JPH3: variants seen among roughly 807,000 people sequenced by gnomAD.
JPH3 encodes junctophilin-3.
Under a neutral mutation model 59.6 loss-of-function variants are expected in JPH3, and 11 were observed. That is an observed-to-expected ratio of 0.18 (90% CI 0.12 to 0.31). The LOEUF (loss-of-function observed/expected upper bound fraction) is 0.31, where lower values mean the gene tolerates loss of function less well. Ranked by LOEUF, JPH3 falls within the 10% of genes least tolerant of loss-of-function variation. The pLI is 1.00. For missense variants in JPH3, 1,202 were observed against 1,105.7 expected (o/e 1.09, Z -1.24); for synonymous variants, 673 against 483.6 (o/e 1.39, Z -5.14).
intron 1 of JPH3, among the ~76,000 whole-genome samples, chr16:87,633,114 A>G (rs1354843814): frequency 6.6e-6 from 1 of 152,144 alleles, no homozygotes. Context: ...CCATCACAAA[A>G]TACCACAGAC....
chr16:87,664,349 T>G (rs922647213), intron 2 of JPH3, among the ~76,000 whole-genome samples: 11 of 141,888 alleles, frequency 7.8e-5, no homozygotes, highest in African/African-American at 3.0e-4. Flanking sequence ...AAAAAAATCA[T>G]ATGGCCCGTC....
chr16:87,675,729 C>T (rs955896948), intron 2 of JPH3, among the ~76,000 whole-genome samples: 6 of 152,200 alleles, frequency 3.9e-5, no homozygotes, highest in Admixed American at 1.3e-4. Context: ...AAGGTGGTCC[C>T]AGCTGCAGCA....
At chr16:87,665,668 G>A (rs2032838270) in intron 2 of JPH3, among the ~76,000 whole-genome samples, 1 of 152,202 alleles carries the variant, frequency 6.6e-6, no homozygotes, top group East Asian at 1.9e-4. Flanking sequence ...GTGGGAGCAG[G>A]CCTAGGAGAG....
chr16:87,673,174 C>T (rs2033061282), intron 2 of JPH3, among the ~76,000 whole-genome samples: 1 of 150,714 alleles, frequency 6.6e-6, no homozygotes, highest in Non-Finnish European at 1.5e-5. Context: ...AAATGTAAAA[C>T]ATAATAAAAG....
intron 1 of JPH3, among the ~76,000 whole-genome samples, chr16:87,614,932 C>T (rs1345569833): frequency 5.4e-5 from 3 of 55,910 alleles, no homozygotes; most frequent in East Asian, 5.6e-4. Context: ...CGAGGAGCCG[C>T]GCGTCCCCTC....
chr16:87,634,321 G>T (rs1479334578), intron 1 of JPH3, among the ~76,000 whole-genome samples: 1 of 152,126 alleles, frequency 6.6e-6, no homozygotes, highest in African/African-American at 2.4e-5. Context: ...GGGTATAGGG[G>T]ACAGAAACCC....
chr16:87,615,021 G>C (rs1252904708), intron 1 of JPH3, among the ~76,000 whole-genome samples: 1 of 148,196 alleles, frequency 6.7e-6, no homozygotes, highest in Non-Finnish European at 1.5e-5. Context: ...CTGCACACAC[G>C]AGGAGCCGCG....
chr16:87,682,823 TG>T (rs1489664334), intron 2 of JPH3, among the ~76,000 whole-genome samples: 1 of 152,160 alleles, frequency 6.6e-6, no homozygotes, highest in African/African-American at 2.4e-5. Context: ...GTGGTGCCCA[TG>T]GCCACTGGCA....
Position 87,673,564 on chromosome 16 carries a change from T to C in JPH3, c.1161-10578T>C, listed in dbSNP as rs141120229. ...GTTGTTATTAGACTGTGAATTCTAA[T>C]AGGAGAACATGGAAGACAGCCTTCA... On this transcript the variant is annotated intron_variant, in intron 2 of 4. Coordinates refer to ENST00000284262, the MANE Select transcript of JPH3 (RefSeq NM_020655.4). Among the ~76,000 whole-genome samples the C allele has an allele frequency of 2.1e-3, 323 of 152,284 alleles. 2 individuals are homozygous for C. The highest frequency in any genetic ancestry group is 7.4e-3 in the African/African-American group (306 of 41,550).
At chr16:87,669,081 G>C (rs2032950100) in intron 2 of JPH3, among the ~76,000 whole-genome samples, 1 of 151,912 alleles carries the variant, frequency 6.6e-6, no homozygotes, top group Admixed American at 6.5e-5. Flanking sequence ...GGTGGCACAG[G>C]GGCGTGGAGG....
chr16:87,697,877 C>G lies in JPH3; in HGVS notation c.*1217C>G, dbSNP rs1186172093. The G allele has an allele frequency of 6.6e-6, 1 of 152,412 alleles. No individual in the cohort carries two copies. The highest frequency in any genetic ancestry group is 2.4e-5 in the African/African-American group (1 of 41,436). 9.4% of individuals were successfully genotyped at this position (152,412 alleles called of 1,614,324 possible). On this transcript the variant is annotated 3_prime_UTR_variant, in exon 5 of 5. Transcript: ENST00000284262. ...ACCCAAACAAAAGAACAAGGTTTGC[C>G]AGGATGTCCGAGTGCCCCCTGGCCC...
intron 1 of JPH3, among the ~76,000 whole-genome samples, chr16:87,627,760 C>T (rs770977676): frequency 1.3e-5 from 2 of 152,224 alleles, no homozygotes; most frequent in Non-Finnish European, 2.9e-5. Flanking sequence ...AGCCAGGATC[C>T]GAGCTCAGAT....
At chr16:87,612,051 T>G (rs2030748903) in intron 1 of JPH3, among the ~76,000 whole-genome samples, 1 of 152,178 alleles carries the variant, frequency 6.6e-6, no homozygotes, top group African/African-American at 2.4e-5. Flanking sequence ...CTTTAGAAAA[T>G]GCAGATGCCC....
intron 1 of JPH3, among the ~76,000 whole-genome samples, chr16:87,609,320 G>A (rs914539522): frequency 6.6e-6 from 1 of 152,174 alleles, no homozygotes; most frequent in Non-Finnish European, 1.5e-5. Flanking sequence ...AAGGTGGAGT[G>A]CAGTGGAGTG....
intron 1 of JPH3, 30 bp from the exon 2 acceptor site, chr16:87,644,228 G>A (rs2032054244): frequency 6.3e-7 from 1 of 1,577,232 alleles, no homozygotes; most frequent in Non-Finnish European, 8.6e-7. Context: ...CTGTCGCTGG[G>A]CACTCACCCC....
At chr16:87,623,094 C>T (rs2031248476) in intron 1 of JPH3, among the ~76,000 whole-genome samples, 1 of 152,188 alleles carries the variant, frequency 6.6e-6, no homozygotes, top group South Asian at 2.1e-4. Context: ...CAGTGGGGGC[C>T]TCAATGGAGG....
At chr16:87,633,169 G>T (rs1225101148) in intron 1 of JPH3, among the ~76,000 whole-genome samples, 2 of 152,144 alleles carry the variant, frequency 1.3e-5, no homozygotes, top group Non-Finnish European at 2.9e-5. Context: ...TTCTAAGGCT[G>T]GAAGGTCAGG....
chr16:87,617,720 C>T (rs1277159169), intron 1 of JPH3, among the ~76,000 whole-genome samples: 1 of 152,034 alleles, frequency 6.6e-6, no homozygotes, highest in African/African-American at 2.4e-5. Flanking sequence ...GGAGAAGGAG[C>T]AGGTGCAGGT....
intron 2 of JPH3, among the ~76,000 whole-genome samples, chr16:87,669,861 G>A (rs1028899046): frequency 4.5e-4 from 69 of 152,120 alleles, no homozygotes; most frequent in African/African-American, 1.5e-3. Context: ...TTAGGGGACC[G>A]GAGGAGCAGA....
Sources: gnomAD v4.1 joint callset for allele counts (sites outside exome capture counted in the v4.1 genomes callset) on GRCh38, gnomAD v4.1.1 for gene constraint, MANE v1.5 for transcripts, NCBI Gene and HGNC (gene_info 2026-07-23, HGNC 2026-07-21) for gene names.